The following MRPL13 variants were observed in gnomAD, a reference collection of about 807,000 sequenced individuals.
MRPL13 encodes large ribosomal subunit protein uL13m.
In MRPL13, 33 loss-of-function variants were observed where a neutral mutation model predicts 29.0. The ratio of observed to expected loss-of-function variants is 1.14; its 90% confidence interval spans 0.86 to 1.52. The LOEUF is 1.52. MRPL13 is among the 40% of genes most tolerant of loss of function. The pLI, the probability that MRPL13 is intolerant of heterozygous loss-of-function variation, is 0.00. For synonymous variants in MRPL13, 77 were observed against 68.4 expected (o/e 1.13, Z -0.62); for missense variants, 227 against 216.7 (o/e 1.05, Z -0.30).
chr8:120,420,078 T>C, intron 4 of MRPL13, 140 bp from the exon 5 acceptor site: 1 of 445,498 alleles, frequency 2.2e-6, no homozygotes. Context: ...AGTGGATATG[T>C]GGAAGCAACA....
rs368987120 is a variant in MRPL13 at position 120,426,160 on chromosome 8, T to C, written c.246-794A>G. ...GGGATTGGGAAATTTAAAACAAAAATAATACATATATAGATGTAAGGTTCT... is the reference window on the plus strand; with the variant it reads ...GGGATTGGGAAATTTAAAACAAAAACAATACATATATAGATGTAAGGTTCT... On this transcript the variant is annotated intron_variant, in intron 3 of 6. Transcript: ENST00000306185. Among the ~76,000 whole-genome samples the C allele has an allele frequency of 8.1e-4, 123 of 152,110 alleles. 1 individual carries two copies. Among genetic ancestry groups the C allele is most frequent in the African/African-American group, 2.8e-3 (116 of 41,536 alleles).
intron 4 of MRPL13, among the ~76,000 whole-genome samples, chr8:120,421,654 G>A (rs1481374555): frequency 2.6e-5 from 4 of 151,722 alleles, no homozygotes; most frequent in African/African-American, 7.3e-5. Flanking sequence ...CCTTTAATGA[G>A]GTAATAATCC....
At position 120,432,530 on chromosome 8, in the gene MRPL13, T is replaced by C. The variant is rs191313382; in HGVS notation, c.152-407A>G. Among the ~76,000 whole-genome samples, 298 of 152,196 alleles carry C rather than the reference T, an allele frequency of 2.0e-3. 1 individual carries two copies. The highest frequency in any genetic ancestry group is 7.0e-3 in the African/African-American group (291 of 41,556). On this transcript the variant is annotated intron_variant, in intron 2 of 6. Transcript: ENST00000306185. ...AATAGCCAAGAAAATGAAAACAGTA[T>C]GTATATAGATATAAAAAAGTATGTT...
intron 3 of MRPL13, 90 bp from the exon 4 acceptor site, chr8:120,425,456 T>G: frequency 6.5e-6 from 6 of 920,288 alleles, no homozygotes; most frequent in Non-Finnish European, 8.2e-6. Flanking sequence ...ACTATTTTAA[T>G]AAATTGTTTC....
chr8:120,418,812 C>T (rs1812834914), intron 5 of MRPL13, among the ~76,000 whole-genome samples: 1 of 151,874 alleles, frequency 6.6e-6, no homozygotes. Flanking sequence ...ATACATGCTA[C>T]CTTAGAGGTA....
chr8:120,421,095 A>T (rs372839901), intron 4 of MRPL13, among the ~76,000 whole-genome samples: 2 of 151,928 alleles, frequency 1.3e-5, no homozygotes, highest in African/African-American at 4.8e-5. Flanking sequence ...AAAAAAATAG[A>T]ATAAGATAAA....
chr8:120,419,133 C>T (rs1812840080), intron 5 of MRPL13, among the ~76,000 whole-genome samples: 2 of 151,910 alleles, frequency 1.3e-5, no homozygotes, highest in South Asian at 4.1e-4. Flanking sequence ...ATCCTTACAA[C>T]AATCTTGTAA....
At chr8:120,428,188 C>A (rs1266238883) in intron 3 of MRPL13, among the ~76,000 whole-genome samples, 5 of 147,958 alleles carry the variant, frequency 3.4e-5, no homozygotes, top group Non-Finnish European at 7.4e-5. Context: ...AGAAATAAGA[C>A]CACACACCTA....
At chr8:120,399,052 C>T (rs186753032) in intron 6 of MRPL13, among the ~76,000 whole-genome samples, 1 of 151,950 alleles carries the variant, frequency 6.6e-6, no homozygotes, top group Non-Finnish European at 1.5e-5. Context: ...AAAACAGAAC[C>T]AAGTTGGAAA....
Position 120,432,137 on chromosome 8 carries a change from AG to A in MRPL13, c.152-15del. 6.5e-7 allele frequency: 1 copy of A among 1,546,366 alleles called. No homozygotes were observed. The highest frequency in any genetic ancestry group is 2.1e-5 in the Admixed American group (1 of 47,652). ...CCCCACAGTCACCTACATTTTAAAA[AG>A]AAACAAGATTTTGTAAGAAAAATAA... On this transcript the variant is annotated splice_polypyrimidine_tract_variant and intron_variant, in intron 2 of 6. Coordinates refer to ENST00000306185, the MANE Select transcript of MRPL13 (RefSeq NM_014078.6).
chr8:120,404,077 T>G (rs1239797601), intron 6 of MRPL13, among the ~76,000 whole-genome samples: 1 of 152,218 alleles, frequency 6.6e-6, no homozygotes, highest in South Asian at 2.1e-4. Flanking sequence ...CTCCAGAATA[T>G]ACCCTTTTCT....
At chr8:120,432,268 G>T in intron 2 of MRPL13, 145 bp from the exon 3 acceptor site, 1 of 493,178 alleles carries the variant, frequency 2.0e-6, no homozygotes, top group Non-Finnish European at 3.4e-6. Flanking sequence ...AAAAATCCTT[G>T]AATAGATTTC....
chr8:120,396,156 G>T (rs201673619), intron 6 of MRPL13, 31 bp from the exon 7 acceptor site: 34 of 1,521,546 alleles, frequency 2.2e-5, no homozygotes, highest in Non-Finnish European at 2.3e-5. Flanking sequence ...ATTTCTTCAT[G>T]AATCATTATT....
intron 6 of MRPL13, among the ~76,000 whole-genome samples, chr8:120,408,779 A>T (rs1191425210): frequency 6.6e-6 from 1 of 152,192 alleles, no homozygotes; most frequent in Admixed American, 6.5e-5. Context: ...TCTTTTTCTG[A>T]GTATTAAGTA....
chr8:120,412,659 A>G (rs544260505), intron 6 of MRPL13, among the ~76,000 whole-genome samples: 67 of 152,254 alleles, frequency 4.4e-4, no homozygotes, highest in African/African-American at 1.4e-3. Context: ...TCATGTCTTC[A>G]TTCTTTCCAA....
intron 2 of MRPL13, among the ~76,000 whole-genome samples, chr8:120,442,201 C>T (rs942489559): frequency 7.2e-5 from 11 of 152,058 alleles, no homozygotes; most frequent in Non-Finnish European, 1.2e-4. Flanking sequence ...CTAAAAAGAA[C>T]GAACATATCA....
chr8:120,416,874 T>G (rs1044778191), intron 5 of MRPL13, among the ~76,000 whole-genome samples: 1 of 152,232 alleles, frequency 6.6e-6, no homozygotes, highest in Non-Finnish European at 1.5e-5. Context: ...AAATTAACAT[T>G]GATGAAATAC....
At chr8:120,432,652 G>A (rs1430610964) in intron 2 of MRPL13, among the ~76,000 whole-genome samples, 2 of 151,984 alleles carry the variant, frequency 1.3e-5, no homozygotes, top group African/African-American at 4.8e-5. Context: ...TAACTACCAT[G>A]GAAAGGTTTC....
At chr8:120,396,762 A>T (rs929521059) in intron 6 of MRPL13, among the ~76,000 whole-genome samples, 3 of 152,248 alleles carry the variant, frequency 2.0e-5, no homozygotes, top group African/African-American at 7.2e-5. Flanking sequence ...AAATTATAAA[A>T]TGCAAACAAT....
Sources: allele counts gnomAD v4.1 joint callset (sites outside exome capture counted in the v4.1 genomes callset), GRCh38; gene constraint gnomAD v4.1.1; transcripts MANE v1.5; gene names NCBI Gene and HGNC (gene_info 2026-07-23, HGNC 2026-07-21).